FERMT1: variants seen among roughly 807,000 people sequenced by gnomAD.
FERMT1 encodes the protein FERM domain containing kindlin 1, also known as fermitin family homolog 1.
In FERMT1, 60 loss-of-function variants were observed where a neutral mutation model predicts 85.3. The ratio of observed to expected loss-of-function variants is 0.70; its 90% confidence interval spans 0.57 to 0.87. The LOEUF (loss-of-function observed/expected upper bound fraction) is 0.87, where lower values mean the gene tolerates loss of function less well. Ranked by LOEUF, FERMT1 falls within the 40% of genes least tolerant of loss-of-function variation. The pLI is 0.00. For missense variants in FERMT1, 701 were observed against 818.9 expected, an observed-to-expected ratio of 0.86 and a Z score of 1.76; for synonymous variants, 275 against 301.1, an observed-to-expected ratio of 0.91 and a Z score of 0.90.
chr20:6,106,565 T>C (rs1307582488), intron 6 of FERMT1, among the ~76,000 whole-genome samples: 1 of 152,140 alleles, frequency 6.6e-6, no homozygotes, highest in East Asian at 1.9e-4. Context: ...CCAGTTTATA[T>C]CGTCGACACT....
In FERMT1 at chr20:6,085,049, A is replaced by G. The variant is rs1401556154; in HGVS notation, c.1593+17T>C. The stretch of plus-strand genomic sequence containing the variant: ...AGAATTTACTGCAAACAATTGCCCT[A>G]ACAAGATTAACAGTACCTGTTTGGA... On this transcript the variant is annotated intron_variant, in intron 12 of 14. Coordinates refer to ENST00000217289, the MANE Select transcript of FERMT1 (RefSeq NM_017671.5). The G allele has an allele frequency of 6.2e-7, 1 of 1,600,660 alleles. No homozygotes were observed. Among genetic ancestry groups the G allele is most frequent in the Non-Finnish European group, 8.6e-7 (1 of 1,167,750 alleles).
At chr20:6,080,312 G>T (rs1224447039) in intron 13 of FERMT1, among the ~76,000 whole-genome samples, 1 of 151,766 alleles carries the variant, frequency 6.6e-6, no homozygotes, top group Admixed American at 6.6e-5. Context: ...TTCAGATTTT[G>T]TGTGTGTGTG....
chr20:6,088,629 T>TCC (rs1568656078), intron 10 of FERMT1, among the ~76,000 whole-genome samples: 21 of 120,418 alleles, frequency 1.7e-4, no homozygotes, highest in African/African-American at 5.6e-4. Context: ...CTCACCTCTT[T>TCC]TTTTTTTTTT....
At position 6,088,985 on chromosome 20, in the gene FERMT1, A is replaced by T. The variant is rs1982268700; in HGVS notation, c.1244T>A (p.Leu415Gln). 1.2e-6 allele frequency: 2 copies of T among 1,612,294 alleles called. No homozygotes were observed. Among genetic ancestry groups the T allele is most frequent in the Non-Finnish European group, 1.7e-6 (2 of 1,178,644 alleles). Residue 415 changes from leucine (L) to glutamine (Q), a missense_variant, in exon 10 of 15, where the codon CTA becomes CAA. Physicochemically the swap from Leu to Gln is moderately radical, Grantham distance 113. Coordinates refer to ENST00000217289, the MANE Select transcript of FERMT1 (RefSeq NM_017671.5). ...KNKELEQGEP[L>Q]EKLNLRGCEV... ...CTTACCTCTAAGATTTAGTTTTTCT[A>T]GTGGTTCTCCTTGTTCAAGTTCCTT...
Position 6,076,922 on chromosome 20 carries a change from G to A in FERMT1, c.*251C>T, listed in dbSNP as rs368493929. ...ATGCTGGGCCTTAGAGCAATCTTAG[G>A]GCACCTGCTTTTCTCCTGCCTACCC... On this transcript the variant is annotated 3_prime_UTR_variant, in exon 15 of 15. Transcript: ENST00000217289. 1.8e-6 allele frequency: 1 copy of A among 541,410 alleles called. No homozygotes were observed. The highest frequency in any genetic ancestry group is 2.0e-5 in the South Asian group (1 of 48,950). 33.5% of individuals were successfully genotyped at this position (541,410 alleles called of 1,614,324 possible).
At chr20:6,100,009 T>C (rs1471374341) in intron 6 of FERMT1, among the ~76,000 whole-genome samples, 1 of 147,368 alleles carries the variant, frequency 6.8e-6, no homozygotes, top group South Asian at 2.1e-4. Context: ...AGAGAGAAAA[T>C]GGATAGTGGT....
At position 6,108,358 on chromosome 20, in the gene FERMT1, TATATTTGC is replaced by T. The variant is rs1476740542; in HGVS notation, c.747-732_747-725del. ...AATCAGTAAGCACATAATAATAGCT[TATATTTGC>T]ATTTTATCTTACAGTCTTCAAAGTG... On this transcript the variant is annotated intron_variant, in intron 5 of 14. Coordinates refer to ENST00000217289, the MANE Select transcript of FERMT1 (RefSeq NM_017671.5). Among the ~76,000 whole-genome samples the T allele has an allele frequency of 5.4e-4, 83 of 152,342 alleles. 1 individual carries two copies. The highest frequency in any genetic ancestry group is 1.9e-3 in the African/African-American group (81 of 41,592).
rs781696044 is a variant in FERMT1 at position 6,085,092 on chromosome 20, A to T, written c.1567T>A (p.Cys523Ser). 2 of 1,614,112 alleles carry T rather than the reference A, an allele frequency of 1.2e-6. No homozygotes were observed. Among genetic ancestry groups the T allele is most frequent in the South Asian group, 1.1e-5 (1 of 91,078 alleles). Residue 523 changes from cysteine to serine, a missense_variant, in exon 12 of 15, where the codon TGT becomes AGT. By Grantham distance (112) the Cys-to-Ser change is moderately radical. Transcript: ENST00000217289. ...MNPECFVSPR[C>S]AKRHKSKQLA... ...TGTTTGGATTTGTGTCTTTTTGCACACCGTGGTGACACAAAACATTCTGGG... is the reference window on the plus strand; with the variant it reads ...TGTTTGGATTTGTGTCTTTTTGCACTCCGTGGTGACACAAAACATTCTGGG...
intron 14 of FERMT1, among the ~76,000 whole-genome samples, chr20:6,077,749 C>T (rs554786022): frequency 9.9e-5 from 15 of 152,084 alleles, no homozygotes; most frequent in Non-Finnish European, 2.9e-5. Context: ...GGCACGATCT[C>T]GGGCCACTGC....
At chr20:6,117,715 T>A (rs1239272108) in intron 2 of FERMT1, among the ~76,000 whole-genome samples, 1 of 150,416 alleles carries the variant, frequency 6.6e-6, no homozygotes, top group Non-Finnish European at 1.5e-5. Context: ...TACAGGAAAT[T>A]TTTGTATTTT....
Position 6,112,534 on chromosome 20 carries a change from G to T in FERMT1, c.475C>A (p.Pro159Thr), listed in dbSNP as rs1982980699. The change falls in exon 4 of 15, where the codon CCC becomes ACC. Residue 159 changes from proline (P) to threonine (T), a missense_variant. Pro to Thr is a conservative substitution (Grantham distance 38). Transcript: ENST00000217289. ...KKKKDKNNKE[P>T]IIEDILNLES... ...AGGTTTAGAATATCTTCAATTATGG[G>T]TTCCTTATTATTTTTGTCTTTTTTC... 6.2e-7 allele frequency: 1 copy of T among 1,612,304 alleles called. No homozygotes were observed. The highest frequency in any genetic ancestry group is 1.7e-5 in the Admixed American group (1 of 59,928).
intron 9 of FERMT1, among the ~76,000 whole-genome samples, chr20:6,089,507 G>A (rs564199459): frequency 2.0e-5 from 3 of 152,310 alleles, no homozygotes; most frequent in South Asian, 2.1e-4. Context: ...GTGAGGAACC[G>A]ACATGAATCT....
intron 2 of FERMT1, among the ~76,000 whole-genome samples, chr20:6,118,283 T>C (rs566815369): frequency 6.6e-6 from 1 of 152,288 alleles, no homozygotes; most frequent in East Asian, 1.9e-4. Context: ...AGTCAATGTG[T>C]AAGAGTATAT....
Position 6,096,988 on chromosome 20 carries a change from C to T in FERMT1, c.1003G>A (p.Ala335Thr), listed in dbSNP as rs2123118322. 6.2e-7 allele frequency: 1 copy of T among 1,613,938 alleles called. No individual in the cohort carries two copies. Among genetic ancestry groups the T allele is most frequent in the Non-Finnish European group, 8.5e-7 (1 of 1,179,896 alleles). The change falls in exon 8 of 15, where the codon GCA becomes ACA. Residue 335 changes from alanine to threonine, a missense_variant. Transcript: ENST00000217289. The stretch of plus-strand genomic sequence containing the variant: ...ATTTCATCAACCTCGGACTCGCCTG[C>T]AAAATCCTGTGTTTCAGCAGACAAC... ...LSLSAETQDFAGESEVDEIEA... is the reference protein window; with the variant it reads ...LSLSAETQDFTGESEVDEIEA...
intron 6 of FERMT1, among the ~76,000 whole-genome samples, chr20:6,101,893 C>T (rs1568660626): frequency 1.3e-5 from 2 of 152,130 alleles, no homozygotes; most frequent in African/African-American, 4.8e-5. Flanking sequence ...TGACCTCAGA[C>T]AATCCACCTG....
chr20:6,097,628 C>A lies in FERMT1; in HGVS notation c.853G>T (p.Asp285Tyr), dbSNP rs1377361173. ...TAGAGTTGGTTTATTCGGACAGCAT[C>A]ATACTAGAGACAAAAACAGAGGTGT... is the stretch of plus-strand genomic sequence containing the variant. ...YSFFDLNPKY[D>Y]AVRINQLYEQ... The change falls in exon 7 of 15, where the codon GAT becomes TAT. Residue 285 changes from aspartate (D) to tyrosine (Y), a missense_variant. Coordinates refer to ENST00000217289, the MANE Select transcript of FERMT1 (RefSeq NM_017671.5). The A allele has an allele frequency of 6.2e-7, 1 of 1,608,258 alleles. No homozygotes were observed. Among genetic ancestry groups the A allele is most frequent in the Non-Finnish European group, 8.5e-7 (1 of 1,174,728 alleles).
intron 13 of FERMT1, among the ~76,000 whole-genome samples, chr20:6,081,153 C>A (rs1981983865): frequency 6.6e-6 from 1 of 151,786 alleles, no homozygotes; most frequent in Non-Finnish European, 1.5e-5. Context: ...TGGTGGCTCA[C>A]AAGTCGCAGC....
Position 6,077,073 on chromosome 20 carries a change from T to C in FERMT1, c.*100A>G. 1 of 1,176,774 alleles carries C rather than the reference T, an allele frequency of 8.5e-7. No homozygotes were observed. 72.9% of individuals were successfully genotyped at this position (1,176,774 alleles called of 1,614,324 possible). On this transcript the variant is annotated 3_prime_UTR_variant, in exon 15 of 15. Coordinates refer to ENST00000217289, the MANE Select transcript of FERMT1 (RefSeq NM_017671.5). ...TGACCAGCGGTGAATGTATGTTGTC[T>C]GTTAGTCCAGAATCTACATGCTGGG...
At position 6,096,886 on chromosome 20, in the gene FERMT1, C is replaced by A; in HGVS notation, c.1089+16G>T. 6.3e-7 allele frequency: 1 copy of A among 1,578,260 alleles called. No homozygotes were observed. Among genetic ancestry groups the A allele is most frequent in the South Asian group, 1.1e-5 (1 of 90,592 alleles). On this transcript the variant is annotated intron_variant, in intron 8 of 14. Transcript: ENST00000217289. Reference sequence around the variant, plus strand: ...GAAGAAAGCCACAGTTCTGGGTGATCAGAAAAAGTTCATACCAAAAGGCTG... The same window carrying A: ...GAAGAAAGCCACAGTTCTGGGTGATAAGAAAAAGTTCATACCAAAAGGCTG...
Sources: allele counts gnomAD v4.1 joint callset (sites outside exome capture counted in the v4.1 genomes callset), GRCh38; gene constraint gnomAD v4.1.1; transcripts MANE v1.5; gene names NCBI Gene and HGNC (gene_info 2026-07-23, HGNC 2026-07-21).